Variants in AGBL4 observed in about 807,000 individuals in gnomAD.
AGBL4 encodes the protein cytosolic carboxypeptidase 6.
AGBL4 carries 58 observed loss-of-function variants against 66.4 expected under a neutral mutation model. The ratio of observed to expected loss-of-function variants is 0.87; its 90% CI spans 0.71 to 1.09. The LOEUF (loss-of-function observed/expected upper bound fraction) is 1.09. AGBL4 is among the 50% of genes least tolerant of loss of function. The pLI is 0.00. For synonymous variants in AGBL4, 234 were observed against 222.9 expected (o/e 1.05, Z -0.44); for missense variants, 579 against 631.0 (o/e 0.92, Z 0.88).
intron 5 of AGBL4, 131 bp downstream of exon 5, chr1:49,045,453 G>C (rs1557592810): frequency 3.2e-6 from 2 of 632,384 alleles, no homozygotes; most frequent in Non-Finnish European, 5.4e-6. Context: ...TTTAATTGTA[G>C]TTAGTAAATT....
chr1:49,959,368 G>A (rs999556153), intron 1 of AGBL4, among the ~76,000 whole-genome samples: 4 of 152,024 alleles, frequency 2.6e-5, no homozygotes, highest in Admixed American at 6.6e-5. Context: ...AATCAAAGAC[G>A]TTTCACAATT....
At chr1:49,343,264 T>C (rs1177434195) in intron 3 of AGBL4, among the ~76,000 whole-genome samples, 1 of 152,204 alleles carries the variant, frequency 6.6e-6, no homozygotes, top group Non-Finnish European at 1.5e-5. Context: ...GAGGAACCTC[T>C]GTTTTCCTCA....
At chr1:49,674,437 C>T (rs1646540771) in intron 3 of AGBL4, among the ~76,000 whole-genome samples, 2 of 151,400 alleles carry the variant, frequency 1.3e-5, no homozygotes, top group South Asian at 4.2e-4. Flanking sequence ...TTGCCCAGCC[C>T]ATGCTTGCTA....
At chr1:49,386,210 T>C (rs1644732571) in intron 3 of AGBL4, among the ~76,000 whole-genome samples, 1 of 151,894 alleles carries the variant, frequency 6.6e-6, no homozygotes, top group African/African-American at 2.4e-5. Flanking sequence ...AATATGTTCA[T>C]TAACCATATC....
At chr1:49,955,583 G>T (rs1656527530) in intron 1 of AGBL4, among the ~76,000 whole-genome samples, 1 of 151,826 alleles carries the variant, frequency 6.6e-6, no homozygotes, top group African/African-American at 2.4e-5. Flanking sequence ...CCTTTAGTTT[G>T]CCCCAGCTCC....
chr1:49,040,873 G>A (rs948522355), intron 5 of AGBL4, among the ~76,000 whole-genome samples: 2 of 151,880 alleles, frequency 1.3e-5, no homozygotes, highest in African/African-American at 4.8e-5. Flanking sequence ...AAATCATAAG[G>A]TACTAAAAAT....
chr1:49,824,118 A>G (rs753450246), intron 2 of AGBL4, among the ~76,000 whole-genome samples: 21 of 152,128 alleles, frequency 1.4e-4, no homozygotes, highest in Non-Finnish European at 2.6e-4. Context: ...CTCAGACGGG[A>G]GAATCGCTTG....
intron 3 of AGBL4, among the ~76,000 whole-genome samples, chr1:49,465,864 C>T (rs1479822320): frequency 6.6e-6 from 1 of 151,800 alleles, no homozygotes; most frequent in African/African-American, 2.4e-5. Context: ...GAGAAGATAA[C>T]AAATGATCTT....
At position 49,185,206 on chromosome 1, in the gene AGBL4, C is replaced by A. The variant is rs188192400; in HGVS notation, c.377+60564G>T. ...TGGAGATGCCCGTAAGTAAGACAGA[C>A]CAGGTCTCTGTCCCCATAGAAAATC... On this transcript the variant is annotated intron_variant, in intron 4 of 13. Transcript: ENST00000371839. Among the ~76,000 whole-genome samples, 150 of 152,294 alleles carry A rather than the reference C, an allele frequency of 9.8e-4. 2 individuals are homozygous for A. The highest frequency in any genetic ancestry group is 3.7e-3 in the Admixed American group (57 of 15,294).
intron 9 of AGBL4, among the ~76,000 whole-genome samples, chr1:48,619,579 G>A (rs1645375460): frequency 1.3e-5 from 2 of 152,168 alleles, no homozygotes; most frequent in African/African-American, 2.4e-5. Flanking sequence ...CCAGGAGGCC[G>A]AGTCACATAG....
At chr1:49,567,322 C>T (rs142057679) in intron 3 of AGBL4, among the ~76,000 whole-genome samples, 10,658 of 152,202 alleles carry the variant, frequency 0.07, 1,169 homozygotes, top group African/African-American at 0.23. Flanking sequence ...ACCCACTTTC[C>T]GGCACTCCCC....
chr1:48,548,519 A>AGGTCCT (rs1448480294), intron 11 of AGBL4, among the ~76,000 whole-genome samples: 1 of 152,210 alleles, frequency 6.6e-6, no homozygotes, highest in African/African-American at 2.4e-5. Flanking sequence ...CTCCAGGTCC[A>AGGTCCT]GGTCCTCTTC....
rs1400543513 is a variant in AGBL4 at position 48,766,654 on chromosome 1, C to A, written c.634+100537G>T. On this transcript the variant is annotated intron_variant, in intron 6 of 13. Transcript: ENST00000371839. ...AGGAAAGGGACAGAAGCAGATAGCA[C>A]CTTGATTCACATGCCTCTTGACCTG... Among the ~76,000 whole-genome samples the A allele has an allele frequency of 3.3e-5, 5 of 152,308 alleles. No individual in the cohort carries two copies. The South Asian group carries it at 1.0e-3, about 32-fold the overall frequency.
chr1:49,880,543 A>G lies in AGBL4; in HGVS notation c.35-29025T>C, dbSNP rs530552215. ...CTCAGATCTCCAGCTGCGTGCTGGG[A>G]GAACCACTGCTCTCTTCAAAGCTGT... On this transcript the variant is annotated intron_variant, in intron 1 of 13. Coordinates refer to ENST00000371839, the MANE Select transcript of AGBL4 (RefSeq NM_032785.4). 1.2e-4 allele frequency among the ~76,000 whole-genome samples: 19 copies of G among 152,104 alleles called. 2 individuals carry two copies. In the South Asian group the frequency reaches 3.9e-3, roughly 32 times the overall value.
chr1:49,552,631 T>TA (rs1166172767), intron 3 of AGBL4, among the ~76,000 whole-genome samples: 1 of 152,230 alleles, frequency 6.6e-6, no homozygotes, highest in African/African-American at 2.4e-5. Flanking sequence ...ACCTTCACAG[T>TA]TGTGGTACTC....
At chr1:49,745,572 A>G (rs1650920901) in intron 2 of AGBL4, among the ~76,000 whole-genome samples, 1 of 151,994 alleles carries the variant, frequency 6.6e-6, no homozygotes, top group African/African-American at 2.4e-5. Context: ...AGACCACTCT[A>G]TTAATATCAG....
At chr1:49,163,364 A>C (rs1426765726) in intron 4 of AGBL4, among the ~76,000 whole-genome samples, 1 of 152,134 alleles carries the variant, frequency 6.6e-6, no homozygotes, top group Non-Finnish European at 1.5e-5. Context: ...ACTCTTACTC[A>C]TCCCTTTGTC....
In AGBL4 at chr1:49,225,227, T is replaced by C. The variant is rs2148285615; in HGVS notation, c.377+20543A>G. ...TCAGTATTGAACTCATTTAAGTTTC[T>C]TTCTTGCCCACTAGACTATAACTTT... On this transcript the variant is annotated intron_variant, in intron 4 of 13. Coordinates refer to ENST00000371839, the MANE Select transcript of AGBL4 (RefSeq NM_032785.4). Among the ~76,000 whole-genome samples the C allele has an allele frequency of 2.0e-5, 3 of 152,336 alleles. No individual in the cohort carries two copies. The South Asian group carries it at 6.2e-4, about 32-fold the overall frequency.
intron 2 of AGBL4, among the ~76,000 whole-genome samples, chr1:49,779,394 G>C (rs1016358742): frequency 6.6e-6 from 1 of 152,276 alleles, no homozygotes; most frequent in East Asian, 1.9e-4. Context: ...TCCTACTGGA[G>C]AACACCAACG....
Sources: allele counts gnomAD v4.1 joint callset (sites outside exome capture counted in the v4.1 genomes callset), GRCh38; gene constraint gnomAD v4.1.1; transcripts MANE v1.5; gene names NCBI Gene and HGNC (gene_info 2026-07-23, HGNC 2026-07-21).